Variants in C12orf50 observed in about 807,000 individuals in gnomAD.
C12orf50 encodes zinc finger CCCH-type containing 11D.
Under a neutral mutation model 61.6 loss-of-function variants are expected in C12orf50, and 35 were observed. That is an observed-to-expected ratio of 0.57 (90% CI 0.43 to 0.75). The LOEUF (loss-of-function observed/expected upper bound fraction) is 0.75, where lower values mean the gene tolerates loss of function less well. Among genes scored for constraint, C12orf50 ranks in the 30% least tolerant of loss-of-function variants. The probability of loss-of-function intolerance (pLI) is 0.00; values close to 1 mark genes in which losing one functional copy is unlikely to be tolerated. For missense variants in C12orf50, 475 were observed against 488.5 expected (o/e 0.97, Z 0.26); for synonymous variants, 178 against 161.5 (o/e 1.10, Z -0.77).
chr12:88,019,601 C>A (rs372596928), intron 3 of C12orf50, among the ~76,000 whole-genome samples: 4 of 151,248 alleles, frequency 2.6e-5, no homozygotes, highest in African/African-American at 9.7e-5. Flanking sequence ...AATCATAAGG[C>A]TAGATGAGAC....
intron 6 of C12orf50, among the ~76,000 whole-genome samples, chr12:87,995,795 C>T (rs2031358239): frequency 6.6e-6 from 1 of 152,154 alleles, no homozygotes; most frequent in African/African-American, 2.4e-5. Flanking sequence ...TGCCACCTAT[C>T]GCCACGTTTG....
chr12:88,001,852 CTGAT>C (rs1241180871), intron 3 of C12orf50, among the ~76,000 whole-genome samples: 12 of 150,862 alleles, frequency 8.0e-5, no homozygotes, highest in African/African-American at 2.9e-4. Flanking sequence ...TTTTTTATTT[CTGAT>C]TTTAGTAATT....
At chr12:87,983,057 A>G (rs780327022) in intron 12 of C12orf50, 46 bp downstream of exon 12, 1 of 1,174,696 alleles carries the variant, frequency 8.5e-7, no homozygotes, top group African/African-American at 1.6e-5. Flanking sequence ...AAACTTATTC[A>G]TTTTCAGAAT....
At chr12:87,999,018 C>A (rs11834986) in intron 3 of C12orf50, among the ~76,000 whole-genome samples, 4 of 151,984 alleles carry the variant, frequency 2.6e-5, no homozygotes, top group East Asian at 1.9e-4. Flanking sequence ...ATAGAAGAAC[C>A]CTTAGGTCAT....
intron 7 of C12orf50, among the ~76,000 whole-genome samples, chr12:87,993,268 C>T (rs1356010715): frequency 6.6e-6 from 1 of 152,064 alleles, no homozygotes; most frequent in Admixed American, 6.6e-5. Context: ...AACCATTAGT[C>T]TATCAATGGT....
At chr12:87,984,538 T>C (rs1180092606) in intron 11 of C12orf50, 3 of 152,174 alleles carry the variant, frequency 2.0e-5, no homozygotes, top group Non-Finnish European at 4.4e-5. Flanking sequence ...TTCGCAGTAA[T>C]TGGTGTGATG....
At chr12:88,007,758 TAATG>T (rs1180419345) in intron 3 of C12orf50, among the ~76,000 whole-genome samples, 1 of 152,192 alleles carries the variant, frequency 6.6e-6, no homozygotes, top group African/African-American at 2.4e-5. Flanking sequence ...TTAATTCACC[TAATG>T]AAGAGGTAAT....
intron 3 of C12orf50, among the ~76,000 whole-genome samples, 156 bp from the exon 4 acceptor site, chr12:87,998,346 G>T (rs1234232582): frequency 6.6e-6 from 1 of 152,002 alleles, no homozygotes; most frequent in Non-Finnish European, 1.5e-5. Context: ...CACTAGCAAT[G>T]ATTAAACTGA....
chr12:88,019,733 A>T (rs1218598997), intron 3 of C12orf50, among the ~76,000 whole-genome samples: 1 of 152,290 alleles, frequency 6.6e-6, no homozygotes, highest in East Asian at 1.9e-4. Context: ...AGGTAGAAGA[A>T]AAACAAAGAA....
rs750036498 is a variant in C12orf50 at position 87,986,426 on chromosome 12, G to C, written c.818-10C>G. On this transcript the variant is annotated splice_polypyrimidine_tract_variant and intron_variant, in intron 9 of 12. Transcript: ENST00000298699. ...GGCTGGACATCATTCACTTAGAAAAGATACAAATTTTACAATTTTTTAAGA... is the reference window on the plus strand; with the variant it reads ...GGCTGGACATCATTCACTTAGAAAACATACAAATTTTACAATTTTTTAAGA... The C allele has an allele frequency of 4.4e-6, 7 of 1,582,478 alleles. No homozygotes were observed. Among genetic ancestry groups the C allele is most frequent in the African/African-American group, 4.1e-5 (3 of 73,188 alleles).
intron 3 of C12orf50, among the ~76,000 whole-genome samples, chr12:88,011,019 A>C (rs1333974700): frequency 6.6e-6 from 1 of 152,156 alleles, no homozygotes; most frequent in Non-Finnish European, 1.5e-5. Context: ...TTACACATAG[A>C]TAATTTTTGT....
At chr12:88,004,178 T>C (rs2031762933) in intron 3 of C12orf50, among the ~76,000 whole-genome samples, 1 of 152,176 alleles carries the variant, frequency 6.6e-6, no homozygotes, top group Non-Finnish European at 1.5e-5. Flanking sequence ...CGTTCTTTAC[T>C]TCTTTATGCA....
chr12:88,009,624 A>G (rs2032021805), intron 3 of C12orf50, among the ~76,000 whole-genome samples: 1 of 152,092 alleles, frequency 6.6e-6, no homozygotes, highest in Non-Finnish European at 1.5e-5. Context: ...AACAATCTAC[A>G]ATACATAAGA....
Position 88,009,037 on chromosome 12 carries a change from A to C in C12orf50, c.134-10847T>G, listed in dbSNP as rs78519517. ...TGAATGTACCACACTTTATTTATGC[A>C]TTCCACTGTTGTTGCACATTTGACG... On this transcript the variant is annotated intron_variant, in intron 3 of 12. Transcript: ENST00000298699. Among the ~76,000 whole-genome samples the C allele has an allele frequency of 1.1e-4, 16 of 152,236 alleles. No homozygotes were observed. The East Asian group carries it at 3.1e-3, about 29-fold the overall frequency.
At chr12:87,985,796 C>T (rs2030780324) in intron 11 of C12orf50, 54 bp downstream of exon 11, 2 of 1,579,164 alleles carry the variant, frequency 1.3e-6, no homozygotes, top group East Asian at 2.2e-5. Context: ...TCAAGAAATT[C>T]CATGGGAATG....
chr12:88,021,218 C>G (rs1368777041), intron 3 of C12orf50, among the ~76,000 whole-genome samples: 1 of 151,228 alleles, frequency 6.6e-6, no homozygotes, highest in Non-Finnish European at 1.5e-5. Context: ...CACAAAAAGC[C>G]ATACAAAAGA....
At chr12:87,983,035 C>G in intron 12 of C12orf50, 68 bp downstream of exon 12, 1 of 894,990 alleles carries the variant, frequency 1.1e-6, no homozygotes, top group Non-Finnish European at 1.7e-6. Flanking sequence ...CTAAAACACT[C>G]CTTGCACTTG....
intron 12 of C12orf50, among the ~76,000 whole-genome samples, chr12:87,981,869 T>A (rs942854656): frequency 6.6e-6 from 1 of 151,988 alleles, no homozygotes; most frequent in Admixed American, 6.6e-5. Flanking sequence ...CAGCAAAAAA[T>A]TTCTCTTCAA....
intron 12 of C12orf50, among the ~76,000 whole-genome samples, chr12:87,980,618 A>G (rs1195630430): frequency 6.6e-6 from 1 of 152,138 alleles, no homozygotes; most frequent in East Asian, 1.9e-4. Flanking sequence ...TGCAGAATGA[A>G]CAGAACGAAG....
Sources: allele counts gnomAD v4.1 joint callset (sites outside exome capture counted in the v4.1 genomes callset), GRCh38; gene constraint gnomAD v4.1.1; transcripts MANE v1.5; gene names NCBI Gene and HGNC (gene_info 2026-07-23, HGNC 2026-07-21).